Variants in CEP128 observed in about 807,000 individuals in gnomAD.
The protein encoded by CEP128 is centrosomal protein 128kDa.
Under a neutral mutation model 156.7 loss-of-function variants are expected in CEP128, and 132 were observed. The ratio of observed to expected loss-of-function variants is 0.84; its 90% CI spans 0.73 to 0.97. CEP128 has a LOEUF of 0.97. Ranked by LOEUF, CEP128 falls within the 50% of genes least tolerant of loss-of-function variation. CEP128 has a pLI of 0.00. For missense variants in CEP128, 1,252 were observed against 1,281.9 expected (o/e 0.98, Z 0.36); for synonymous variants, 469 against 448.9 (o/e 1.04, Z -0.57).
intron 19 of CEP128, among the ~76,000 whole-genome samples, chr14:80,737,951 T>C (rs1208708908): frequency 6.6e-6 from 1 of 152,136 alleles, no homozygotes; most frequent in African/African-American, 2.4e-5. Context: ...AATAAATAAA[T>C]GATATTACAT....
chr14:80,633,347 C>T (rs182700810), intron 19 of CEP128, among the ~76,000 whole-genome samples: 4 of 152,244 alleles, frequency 2.6e-5, no homozygotes, highest in East Asian at 1.9e-4. Context: ...TAATACTTTC[C>T]GTTGTAAATA....
At chr14:80,815,540 G>A (rs1226619744) in intron 13 of CEP128, among the ~76,000 whole-genome samples, 1 of 152,122 alleles carries the variant, frequency 6.6e-6, no homozygotes, top group Non-Finnish European at 1.5e-5. Flanking sequence ...TAGAACTACT[G>A]TTCAAGCCAG....
intron 18 of CEP128, among the ~76,000 whole-genome samples, chr14:80,754,849 A>G (rs1017925194): frequency 1.2e-4 from 18 of 152,336 alleles, no homozygotes; most frequent in African/African-American, 4.3e-4. Flanking sequence ...TGAAGAAAAC[A>G]TGGCCTTACC....
chr14:80,860,935 A>G (rs1189773055), intron 9 of CEP128, among the ~76,000 whole-genome samples: 1 of 152,006 alleles, frequency 6.6e-6, no homozygotes, highest in Non-Finnish European at 1.5e-5. Context: ...AAGAATTCCC[A>G]TTTGTTTTGA....
At chr14:80,671,244 T>C (rs1271241578) in intron 19 of CEP128, among the ~76,000 whole-genome samples, 1 of 152,126 alleles carries the variant, frequency 6.6e-6, no homozygotes, top group Non-Finnish European at 1.5e-5. Context: ...ACTAAATAAA[T>C]AAAAGCAAAT....
chr14:80,536,763 G>A (rs993157837), intron 21 of CEP128, among the ~76,000 whole-genome samples: 12 of 152,174 alleles, frequency 7.9e-5, no homozygotes, highest in Non-Finnish European at 8.8e-5. Flanking sequence ...AAGTCACGGT[G>A]TTGATGCACA....
At chr14:80,719,625 A>G (rs1897739106) in intron 19 of CEP128, among the ~76,000 whole-genome samples, 1 of 152,218 alleles carries the variant, frequency 6.6e-6, no homozygotes, top group African/African-American at 2.4e-5. Flanking sequence ...GATTATAGCT[A>G]TCCATGTGGG....
chr14:80,900,260 T>G (rs1883469095), intron 6 of CEP128, among the ~76,000 whole-genome samples: 1 of 152,166 alleles, frequency 6.6e-6, no homozygotes, highest in South Asian at 2.1e-4. Context: ...ATTCTACTCC[T>G]CCAGAATTCT....
intron 14 of CEP128, among the ~76,000 whole-genome samples, chr14:80,480,892 A>G (rs1887038799): frequency 6.6e-6 from 1 of 152,160 alleles, no homozygotes; most frequent in Non-Finnish European, 1.5e-5. Flanking sequence ...AAAGTTCCTC[A>G]TCTTCACCTG....
chr14:80,531,538 CATAAA>C (rs1255860187), intron 21 of CEP128, among the ~76,000 whole-genome samples: 1 of 152,140 alleles, frequency 6.6e-6, no homozygotes, highest in Non-Finnish European at 1.5e-5. Context: ...TCAAAGCAAA[CATAAA>C]ATAAAAAGTT....
intron 2 of CEP128, chr14:80,955,747 G>C (rs1886632792): frequency 5.0e-6 from 8 of 1,614,064 alleles, no homozygotes; most frequent in African/African-American, 1.3e-5. Context: ...GGGCGGAATG[G>C]GGTGTTCGTC....
chr14:80,508,088 G>A (rs992454392), intron 23 of CEP128, among the ~76,000 whole-genome samples: 1 of 151,888 alleles, frequency 6.6e-6, no homozygotes, highest in African/African-American at 2.4e-5. Context: ...GCTAATTTTT[G>A]TATTTTTAGT....
intron 19 of CEP128, among the ~76,000 whole-genome samples, chr14:80,588,093 T>A (rs1319525536): frequency 6.6e-6 from 1 of 152,166 alleles, no homozygotes; most frequent in Non-Finnish European, 1.5e-5. Flanking sequence ...CTGAACCAGA[T>A]CTACGCTTCT....
intron 23 of CEP128, among the ~76,000 whole-genome samples, chr14:80,509,816 A>G (rs1479445943): frequency 1.3e-5 from 2 of 152,144 alleles, no homozygotes; most frequent in African/African-American, 4.8e-5. Context: ...TAAGAGGTAT[A>G]CATTCTAGTT....
chr14:80,821,899 G>A (rs1237925451), intron 13 of CEP128, among the ~76,000 whole-genome samples: 1 of 152,062 alleles, frequency 6.6e-6, no homozygotes, highest in East Asian at 1.9e-4. Flanking sequence ...ACATGGCTGG[G>A]AAAGCCTCAC....
chr14:80,809,096 A>T (rs1041449326), intron 13 of CEP128, among the ~76,000 whole-genome samples: 1 of 152,206 alleles, frequency 6.6e-6, no homozygotes, highest in African/African-American at 2.4e-5. Context: ...AGACAAAAAA[A>T]TTACAAACAA....
chr14:80,833,845 A>G (rs1317087897), intron 12 of CEP128, among the ~76,000 whole-genome samples: 1 of 152,206 alleles, frequency 6.6e-6, no homozygotes, highest in Non-Finnish European at 1.5e-5. Context: ...ATGTATAAAT[A>G]GGCATGAGGT....
chr14:80,819,488 C>T (rs906099712), intron 13 of CEP128, among the ~76,000 whole-genome samples: 1 of 151,916 alleles, frequency 6.6e-6, no homozygotes, highest in Non-Finnish European at 1.5e-5. Flanking sequence ...CATTGTGATC[C>T]GCCCACCTCG....
chr14:80,511,734 A>T (rs149217103), intron 23 of CEP128, among the ~76,000 whole-genome samples: 4,133 of 152,016 alleles, frequency 0.027, 78 homozygotes, highest in Middle Eastern at 0.092. Flanking sequence ...TTATTGCTAT[A>T]AACTTTCCTC....
Sources: gnomAD v4.1 joint callset for allele counts (sites outside exome capture counted in the v4.1 genomes callset) on GRCh38, gnomAD v4.1.1 for gene constraint, MANE v1.5 for transcripts, NCBI Gene and HGNC (gene_info 2026-07-23, HGNC 2026-07-21) for gene names.